DOCK10: variants seen among roughly 807,000 people sequenced by gnomAD.
DOCK10 encodes dedicator of cytokinesis 10, also known as dedicator of cytokinesis protein 10.
Under a neutral mutation model 280.1 loss-of-function variants are expected in DOCK10, and 145 were observed. That is an observed-to-expected ratio of 0.52 (90% confidence interval 0.45 to 0.59). The LOEUF is 0.59. Among genes scored for constraint, DOCK10 ranks in the 20% least tolerant of loss-of-function variants. The probability of loss-of-function intolerance (pLI) is 0.00; values close to 1 mark genes in which losing one functional copy is unlikely to be tolerated. For synonymous variants in DOCK10, 915 were observed against 942.2 expected, an observed-to-expected ratio of 0.97 and a Z score of 0.53; for missense variants, 2,368 against 2,651.7, an observed-to-expected ratio of 0.89 and a Z score of 2.35.
Position 225,013,891 on chromosome 2 carries a change from A to G in DOCK10, c.123+28361T>C, listed in dbSNP as rs1000126388. ...GTGTGTGTGTGAGTGACAGAGAGAGAAGGAGGCAATAGTAAGTGACAAAAA... is the reference window on the plus strand; with the variant it reads ...GTGTGTGTGTGAGTGACAGAGAGAGGAGGAGGCAATAGTAAGTGACAAAAA... On this transcript the variant is annotated intron_variant, in intron 1 of 55. Transcript: ENST00000258390. 2.0e-5 allele frequency among the ~76,000 whole-genome samples: 3 copies of G among 151,946 alleles called. No individual in the cohort carries two copies. The East Asian group carries it at 5.8e-4, about 29-fold the overall frequency.
chr2:224,836,884 C>A (rs1236706891), intron 25 of DOCK10, among the ~76,000 whole-genome samples: 4 of 150,622 alleles, frequency 2.7e-5, no homozygotes, highest in African/African-American at 7.5e-5. Context: ...CAGGCGTGAG[C>A]CACCACGCTT....
chr2:224,985,430 T>C (rs1705946852), intron 1 of DOCK10, among the ~76,000 whole-genome samples: 1 of 151,570 alleles, frequency 6.6e-6, no homozygotes. Flanking sequence ...ACTTATGAAA[T>C]CTTAAATTTG....
chr2:224,969,604 C>T (rs1314476328), intron 1 of DOCK10, among the ~76,000 whole-genome samples: 1 of 152,154 alleles, frequency 6.6e-6, no homozygotes, highest in African/African-American at 2.4e-5. Flanking sequence ...TACCCCAGTT[C>T]TATTAATCAC....
At chr2:224,789,016 A>G in intron 48 of DOCK10, 48 bp downstream of exon 48, 1 of 1,175,110 alleles carries the variant, frequency 8.5e-7, no homozygotes, top group Non-Finnish European at 1.3e-6. Context: ...TCACAAGCCA[A>G]TGCATCTCTT....
intron 17 of DOCK10, 64 bp from the exon 18 acceptor site, chr2:224,852,506 G>C: frequency 7.5e-7 from 1 of 1,333,576 alleles, no homozygotes; most frequent in South Asian, 1.3e-5. Context: ...AAAAACCCAA[G>C]TGCCTAAAAT....
At chr2:224,925,792 T>A (rs1268274080) in intron 2 of DOCK10, among the ~76,000 whole-genome samples, 1 of 152,218 alleles carries the variant, frequency 6.6e-6, no homozygotes, top group East Asian at 1.9e-4. Context: ...GCTTTCTACA[T>A]CTTTTGCTCA....
At chr2:224,971,692 T>C (rs1401093526) in intron 1 of DOCK10, among the ~76,000 whole-genome samples, 4 of 152,230 alleles carry the variant, frequency 2.6e-5, no homozygotes, top group Non-Finnish European at 5.9e-5. Context: ...ATCTAGTAAC[T>C]GGAAAACATT....
chr2:224,792,751 C>A (rs1284273277), intron 47 of DOCK10, among the ~76,000 whole-genome samples: 1 of 152,168 alleles, frequency 6.6e-6, no homozygotes, highest in African/African-American at 2.4e-5. Flanking sequence ...TGTTGGAGAA[C>A]ATACAGTTCT....
intron 5 of DOCK10, 110 bp from the exon 6 acceptor site, chr2:224,886,295 G>C (rs1489123932): frequency 3.0e-5 from 45 of 1,523,692 alleles, no homozygotes; most frequent in Non-Finnish European, 3.9e-5. Flanking sequence ...TCTTAAATAA[G>C]CATGTTCAAT....
chr2:225,013,125 T>C (rs1689489607), intron 1 of DOCK10, among the ~76,000 whole-genome samples: 1 of 152,206 alleles, frequency 6.6e-6, no homozygotes, highest in Admixed American at 6.5e-5. Context: ...TGCAGATTAA[T>C]CTTGAGTCAG....
intron 1 of DOCK10, among the ~76,000 whole-genome samples, chr2:225,002,194 G>A (rs936584194): frequency 2.6e-5 from 4 of 152,132 alleles, no homozygotes; most frequent in African/African-American, 4.8e-5. Context: ...TTTGAAGGCC[G>A]ATACCACTTG....
chr2:224,793,378 C>G, intron 46 of DOCK10, 22 bp downstream of exon 46: 1 of 1,597,198 alleles, frequency 6.3e-7, no homozygotes, highest in Non-Finnish European at 8.5e-7. Context: ...GGCTTTTTGC[C>G]TCCCTCATGT....
chr2:224,844,377 G>T (rs771138955), intron 22 of DOCK10, among the ~76,000 whole-genome samples: 1 of 152,094 alleles, frequency 6.6e-6, no homozygotes, highest in East Asian at 1.9e-4. Context: ...TAATCTGCCC[G>T]CCTCGGCCTC....
Position 224,966,623 on chromosome 2 carries a change from G to A in DOCK10, c.124-34955C>T, listed in dbSNP as rs551599258. 3.9e-5 allele frequency among the ~76,000 whole-genome samples: 6 copies of A among 152,248 alleles called. No homozygotes were observed. In the East Asian group the frequency reaches 1.2e-3, roughly 29 times the overall value. ...CTGTCAATATGCGAATCATAAAACT[G>A]ATCACACAGCCTTTAAACCTCAGTT... is the stretch of plus-strand genomic sequence containing the variant. On this transcript the variant is annotated intron_variant, in intron 1 of 55. Transcript: ENST00000258390.
At chr2:224,840,499 T>C (rs1695891195) in intron 23 of DOCK10, among the ~76,000 whole-genome samples, 1 of 152,068 alleles carries the variant, frequency 6.6e-6, no homozygotes, top group Non-Finnish European at 1.5e-5. Flanking sequence ...GGCCAACAGA[T>C]ATATAAAAAA....
At chr2:224,842,210 T>A (rs1261423060) in intron 22 of DOCK10, among the ~76,000 whole-genome samples, 1 of 152,212 alleles carries the variant, frequency 6.6e-6, no homozygotes, top group Non-Finnish European at 1.5e-5. Context: ...TTTTCTTCAT[T>A]TATCTTCCCA....
chr2:224,834,122 AGTT>A, intron 26 of DOCK10, 25 bp downstream of exon 26: 1 of 1,357,958 alleles, frequency 7.4e-7, no homozygotes, highest in Non-Finnish European at 1.1e-6. Flanking sequence ...TAGTACTCAC[AGTT>A]AAAGGACCAT....
intron 19 of DOCK10, 57 bp from the exon 20 acceptor site, chr2:224,845,699 A>C: frequency 4.0e-6 from 6 of 1,481,544 alleles, no homozygotes; most frequent in Non-Finnish European, 5.5e-6. Flanking sequence ...TCAATATCAG[A>C]GCAAGACAAA....
At chr2:225,039,150 AT>A (rs1482664405) in intron 1 of DOCK10, among the ~76,000 whole-genome samples, 2 of 152,200 alleles carry the variant, frequency 1.3e-5, no homozygotes, top group Non-Finnish European at 2.9e-5. Flanking sequence ...TCAAAAAGGA[AT>A]TTCTAATTAG....
Sources: allele counts gnomAD v4.1 joint callset (sites outside exome capture counted in the v4.1 genomes callset), GRCh38; gene constraint gnomAD v4.1.1; transcripts MANE v1.5; gene names NCBI Gene and HGNC (gene_info 2026-07-23, HGNC 2026-07-21).